OR9Q1: variants seen among roughly 807,000 people sequenced by gnomAD.
The protein encoded by OR9Q1 is olfactory receptor family 9 subfamily Q member 1, also known as olfactory receptor 9Q1.
For missense variants in OR9Q1, 374 were observed against 378.8 expected (o/e 0.99, Z 0.11); for synonymous variants, 153 against 148.6 (o/e 1.03, Z -0.22).
intron 1 of OR9Q1, among the ~76,000 whole-genome samples, chr11:58,052,802 A>C (rs972655662): frequency 3.6e-4 from 55 of 151,066 alleles, no homozygotes; most frequent in African/African-American, 1.3e-3. Context: ...ATGAACAGAC[A>C]CTTCTCAAAA....
At chr11:58,098,854 T>C (rs1003738356) in intron 2 of OR9Q1, among the ~76,000 whole-genome samples, 4 of 152,216 alleles carry the variant, frequency 2.6e-5, no homozygotes, top group African/African-American at 7.2e-5. Flanking sequence ...TTTAGAATTC[T>C]AAACACTACT....
chr11:58,038,344 T>A (rs1853128375), intron 1 of OR9Q1, among the ~76,000 whole-genome samples: 1 of 152,226 alleles, frequency 6.6e-6, no homozygotes, highest in South Asian at 2.1e-4. Flanking sequence ...AATCATGTTG[T>A]AGGAAATGCA....
intron 1 of OR9Q1, among the ~76,000 whole-genome samples, chr11:58,053,660 A>AATTATATATATAT (rs1853297483): frequency 8.5e-6 from 1 of 117,636 alleles, no homozygotes; most frequent in African/African-American, 3.1e-5. Flanking sequence ...TATATATATA[A>AATTATATATATAT]AATATATATA....
intron 1 of OR9Q1, among the ~76,000 whole-genome samples, chr11:58,030,221 T>G (rs768219234): frequency 4.9e-4 from 74 of 152,320 alleles, no homozygotes; most frequent in Middle Eastern, 3.4e-3. Context: ...TGCTTATAAT[T>G]CTTAAAGTCT....
chr11:58,067,389 C>T (rs1382518283), intron 2 of OR9Q1, among the ~76,000 whole-genome samples: 1 of 152,308 alleles, frequency 6.6e-6, no homozygotes, highest in Admixed American at 6.5e-5. Context: ...TCGGAGTGAT[C>T]TTGGGCAAAT....
chr11:58,118,929 A>G (rs750134361), intron 2 of OR9Q1: 4 of 1,613,876 alleles, frequency 2.5e-6, no homozygotes, highest in Non-Finnish European at 3.4e-6. Flanking sequence ...AGTTTATTTG[A>G]TTGTCCTTAC....
At chr11:58,150,498 A>G (rs992774733) in intron 2 of OR9Q1, among the ~76,000 whole-genome samples, 1 of 152,212 alleles carries the variant, frequency 6.6e-6, no homozygotes, top group East Asian at 1.9e-4. Flanking sequence ...GTATGTAGTC[A>G]TGCACCACAT....
chr11:58,131,846 A>G (rs1169320538), intron 2 of OR9Q1, among the ~76,000 whole-genome samples: 1 of 152,148 alleles, frequency 6.6e-6, no homozygotes, highest in African/African-American at 2.4e-5. Flanking sequence ...GAGAAACTTT[A>G]TAACAGTTAT....
intron 1 of OR9Q1, among the ~76,000 whole-genome samples, chr11:58,039,259 G>A (rs771737506): frequency 5.3e-5 from 8 of 152,216 alleles, no homozygotes; most frequent in Non-Finnish European, 8.8e-5. Context: ...CAAGTTCTGG[G>A]ATTACTAGCG....
At position 58,180,419 on chromosome 11, in the gene OR9Q1, T is replaced by A; in HGVS notation, c.*42T>A. 1.6e-6 allele frequency: 2 copies of A among 1,270,566 alleles called. No homozygotes were observed. Among genetic ancestry groups the A allele is most frequent in the Non-Finnish European group, 2.2e-6 (2 of 908,946 alleles). The allele number at this position is 1,270,566 out of a possible 1,614,324, so 78.7% of individuals were successfully genotyped here. A position where few individuals can be genotyped will look rare whatever the true frequency, so the allele number is the denominator to read the frequency against. ...AAAATCCCGAGAACCACCTACTCTGTAGTGTCAGAATTCTGGACGCTCATT... is the reference window on the plus strand; with the variant it reads ...AAAATCCCGAGAACCACCTACTCTGAAGTGTCAGAATTCTGGACGCTCATT... On this transcript the variant is annotated 3_prime_UTR_variant, in exon 3 of 3. Coordinates refer to ENST00000335397, the MANE Select transcript of OR9Q1 (RefSeq NM_001005212.4).
intron 2 of OR9Q1, among the ~76,000 whole-genome samples, chr11:58,060,316 G>C (rs1853367858): frequency 1.3e-5 from 2 of 152,310 alleles, no homozygotes; most frequent in South Asian, 4.1e-4. Context: ...GACTATAATA[G>C]ATGGGAAATT....
chr11:58,027,587 G>C (rs1483074442), intron 1 of OR9Q1, among the ~76,000 whole-genome samples: 2 of 152,142 alleles, frequency 1.3e-5, no homozygotes, highest in South Asian at 4.2e-4. Context: ...GGTAATCCCT[G>C]CTCCAGGAAG....
chr11:58,078,053 T>G (rs1372515199), intron 2 of OR9Q1: 1 of 152,174 alleles, frequency 6.6e-6, no homozygotes, highest in Admixed American at 6.6e-5. Flanking sequence ...GCTACCTGGG[T>G]GGCTGAGGCA....
chr11:58,178,917 A>G (rs952508981), intron 2 of OR9Q1, among the ~76,000 whole-genome samples: 1 of 144,464 alleles, frequency 6.9e-6, no homozygotes, highest in Non-Finnish European at 1.5e-5. Context: ...TATATTATAT[A>G]TTTATATATT....
chr11:58,108,389 G>T (rs1296939363), intron 2 of OR9Q1, among the ~76,000 whole-genome samples: 1 of 152,176 alleles, frequency 6.6e-6, no homozygotes, highest in African/African-American at 2.4e-5. Flanking sequence ...CTGAGTTGGG[G>T]AGTGGGAGGT....
At chr11:58,120,696 G>A (rs902817393) in intron 2 of OR9Q1, among the ~76,000 whole-genome samples, 3 of 151,028 alleles carry the variant, frequency 2.0e-5, no homozygotes, top group African/African-American at 7.3e-5. Context: ...ATCAATTTTA[G>A]TTGGTAGCTA....
chr11:58,027,017 C>T (rs941619474), intron 1 of OR9Q1, among the ~76,000 whole-genome samples: 7 of 152,116 alleles, frequency 4.6e-5, no homozygotes, highest in African/African-American at 9.7e-5. Context: ...GAACTGATGG[C>T]GATTCAAGCA....
At chr11:58,108,154 C>G (rs1423403693) in intron 2 of OR9Q1, among the ~76,000 whole-genome samples, 1 of 152,148 alleles carries the variant, frequency 6.6e-6, no homozygotes, top group Admixed American at 6.5e-5. Flanking sequence ...AAAGAAAGCA[C>G]CCTTTCCCTA....
chr11:58,097,454 G>A (rs989264571), intron 2 of OR9Q1, among the ~76,000 whole-genome samples: 5 of 152,214 alleles, frequency 3.3e-5, no homozygotes, highest in Admixed American at 2.0e-4. Flanking sequence ...TATGGACCAT[G>A]CCAAGTGTTG....
Sources: allele counts gnomAD v4.1 joint callset (sites outside exome capture counted in the v4.1 genomes callset), GRCh38; gene constraint gnomAD v4.1.1; transcripts MANE v1.5; gene names NCBI Gene and HGNC (gene_info 2026-07-23, HGNC 2026-07-21).